Variants in MYOM1 observed in about 807,000 individuals in gnomAD.
MYOM1 encodes the protein myomesin 1, also known as myomesin-1.
Under a neutral mutation model 205.3 loss-of-function variants are expected in MYOM1, and 164 were observed. The ratio of observed to expected loss-of-function variants is 0.80; its 90% CI spans 0.70 to 0.91. The LOEUF (loss-of-function observed/expected upper bound fraction) is 0.91. Among genes scored for constraint, MYOM1 ranks in the 40% least tolerant of loss-of-function variants. MYOM1 has a pLI of 0.00. For synonymous variants in MYOM1, 772 were observed against 789.4 expected, an observed-to-expected ratio of 0.98 and a Z score of 0.37; for missense variants, 2,011 against 2,127.3, an observed-to-expected ratio of 0.95 and a Z score of 1.08.
Position 3,168,972 on chromosome 18 carries a change from G to A in MYOM1, c.1184C>T (p.Thr395Ile), listed in dbSNP as rs1404270892. Residue 395 changes from threonine to isoleucine, a missense_variant, in exon 9 of 38, where the codon ACC becomes ATC. Thr to Ile is a moderately conservative substitution (Grantham distance 89). Coordinates refer to ENST00000356443, the MANE Select transcript of MYOM1 (RefSeq NM_003803.4). ...AAACCGGGATGCATAACCATATGGG[G>A]TCACACCAACTGGGTACAAAAATAA... The part of the protein sequence containing the change: ...ASTMPLSFGV[T>I]PYGYASRFEI... 2 of 1,611,564 alleles carry A rather than the reference G, an allele frequency of 1.2e-6. No homozygotes were observed.
intron 11 of MYOM1, among the ~76,000 whole-genome samples, chr18:3,154,319 C>A (rs1481101452): frequency 6.6e-6 from 1 of 151,534 alleles, no homozygotes; most frequent in African/African-American, 2.4e-5. Flanking sequence ...GAACTTTTAC[C>A]TAAATTCCAA....
At chr18:3,082,172 C>T (rs377690431) in intron 33 of MYOM1, among the ~76,000 whole-genome samples, 1 of 152,242 alleles carries the variant, frequency 6.6e-6, no homozygotes, top group Non-Finnish European at 1.5e-5. Context: ...CTCGCTCCCT[C>T]GCCCACCACT....
At position 3,075,729 on chromosome 18, in the gene MYOM1, A is replaced by G; in HGVS notation, c.4681T>C (p.Leu1561=). 1.2e-6 allele frequency: 2 copies of G among 1,601,004 alleles called. No individual in the cohort carries two copies. Among genetic ancestry groups the G allele is most frequent in the Non-Finnish European group, 1.7e-6 (2 of 1,172,904 alleles). The change falls in exon 35 of 38, where the codon TTG becomes CTG. Residue 1561 remains leucine (L), a synonymous_variant. Transcript: ENST00000356443. ...YDEAYAEFQR[L]KQAAIAEKNR... ...TTGCTAGGACCAGGGACTTACTTCA[A>G]CCTCTGGAATTCAGCATAGGCCTCA...
upstream of MYOM1, among the ~76,000 whole-genome samples, chr18:3,224,691 G>A (rs574636325): frequency 1.6e-4 from 25 of 152,250 alleles, no homozygotes; most frequent in South Asian, 4.8e-3. Context: ...TTGAAATGGA[G>A]TCTCACTCTG....
At chr18:3,215,606 A>G (rs1362350635) in intron 1 of MYOM1, among the ~76,000 whole-genome samples, 1 of 152,194 alleles carries the variant, frequency 6.6e-6, no homozygotes, top group African/African-American at 2.4e-5. Context: ...GTCTAAAAAC[A>G]AAATAAAATA....
chr18:3,162,013 C>G (rs1402448211), intron 10 of MYOM1, among the ~76,000 whole-genome samples: 1 of 152,074 alleles, frequency 6.6e-6, no homozygotes, highest in Non-Finnish European at 1.5e-5. Flanking sequence ...AATCATAGAC[C>G]TTTTGGAAGT....
At chr18:3,197,112 A>G (rs529198598) in intron 2 of MYOM1, among the ~76,000 whole-genome samples, 1 of 149,070 alleles carries the variant, frequency 6.7e-6, no homozygotes, top group African/African-American at 2.5e-5. Flanking sequence ...TGTTCTTTAC[A>G]CTATACCAGT....
At chr18:3,243,730 C>G in the MYOM1 span, among the ~76,000 whole-genome samples, 5 of 152,142 alleles carry the variant, frequency 3.3e-5, no homozygotes, top group African/African-American at 4.8e-5. Flanking sequence ...TTTTGGGAAA[C>G]CTGTGCAGAT....
intron 23 of MYOM1, among the ~76,000 whole-genome samples, chr18:3,101,087 G>C (rs967634453): frequency 6.6e-6 from 1 of 152,190 alleles, no homozygotes; most frequent in South Asian, 2.1e-4. Context: ...TAAACTGGGA[G>C]AAAAAATTAT....
At chr18:3,113,095 GT>G (rs2079551283) in intron 21 of MYOM1, among the ~76,000 whole-genome samples, 2 of 151,522 alleles carry the variant, frequency 1.3e-5, no homozygotes, top group Non-Finnish European at 2.9e-5. Context: ...CACTACATAT[GT>G]GCCACTAAAC....
chr18:3,245,869 A>C, the MYOM1 span: 1 of 152,108 alleles, frequency 6.6e-6, no homozygotes, highest in African/African-American at 2.4e-5. Context: ...AACTAACTGT[A>C]CTGCAATTAT....
At chr18:3,078,517 C>A (rs1052605090) in intron 34 of MYOM1, among the ~76,000 whole-genome samples, 1 of 152,046 alleles carries the variant, frequency 6.6e-6, no homozygotes, top group Non-Finnish European at 1.5e-5. Flanking sequence ...GCAGCCTCAA[C>A]CTCCAGGGCC....
chr18:3,160,184 CT>C (rs894399623), intron 10 of MYOM1, among the ~76,000 whole-genome samples: 3 of 149,014 alleles, frequency 2.0e-5, no homozygotes, highest in African/African-American at 2.5e-5. Flanking sequence ...TTCTCTCTCT[CT>C]TTTTTTTCTT....
chr18:3,164,754 T>G (rs933121168), intron 9 of MYOM1, among the ~76,000 whole-genome samples: 6 of 152,240 alleles, frequency 3.9e-5, no homozygotes, highest in Non-Finnish European at 7.3e-5. Flanking sequence ...TAAAAATATT[T>G]TATTACTTAT....
chr18:3,114,558 TTTTTTTTTTTTA>T (rs1392453673), intron 21 of MYOM1, among the ~76,000 whole-genome samples: 1 of 147,100 alleles, frequency 6.8e-6, no homozygotes, highest in Non-Finnish European at 1.5e-5. Flanking sequence ...TTTTTTTTTT[TTTTTTTTTTTTA>T]GAGACAGGGT....
intron 19 of MYOM1, 47 bp from the exon 20 acceptor site, chr18:3,120,042 T>C: frequency 2.6e-6 from 4 of 1,520,322 alleles, no homozygotes; most frequent in Non-Finnish European, 3.5e-6. Context: ...CAGGTTTGTT[T>C]TTTTTTTTCT....
intron 22 of MYOM1, among the ~76,000 whole-genome samples, chr18:3,108,979 T>C (rs182968995): frequency 1.1e-3 from 168 of 150,948 alleles, no homozygotes; most frequent in African/African-American, 4.0e-3. Flanking sequence ...TTTTCCTTTT[T>C]CTTTTTCCTT....
At chr18:3,142,134 G>A (rs1012854477) in intron 13 of MYOM1, 71 bp from the exon 14 acceptor site, 34 of 1,541,690 alleles carry the variant, frequency 2.2e-5, no homozygotes, top group Non-Finnish European at 2.6e-5. Context: ...AGCCAAAGAC[G>A]CTGCTCTCCT....
chr18:3,233,639 A>C, the MYOM1 span, among the ~76,000 whole-genome samples: 1 of 152,220 alleles, frequency 6.6e-6, no homozygotes, highest in Non-Finnish European at 1.5e-5. Flanking sequence ...TCTGTGAGGT[A>C]ATGCAAAAAG....
Sources: allele counts gnomAD v4.1 joint callset (sites outside exome capture counted in the v4.1 genomes callset), GRCh38; gene constraint gnomAD v4.1.1; transcripts MANE v1.5; gene names NCBI Gene and HGNC (gene_info 2026-07-23, HGNC 2026-07-21).